Variants in GPD2 observed in about 807,000 individuals in gnomAD.
GPD2 encodes glycerol-3-phosphate dehydrogenase, mitochondrial.
A neutral mutation model predicts 82.4 loss-of-function variants in GPD2; 54 were observed. That is an observed-to-expected ratio of 0.66 (90% CI 0.53 to 0.82). The LOEUF is 0.82. Among genes scored for constraint, GPD2 ranks in the 40% least tolerant of loss-of-function variants. The pLI is 0.00. For synonymous variants in GPD2, 288 were observed against 306.1 expected (o/e 0.94, Z 0.62); for missense variants, 748 against 896.2 (o/e 0.83, Z 2.11).
At chr2:156,575,141 A>T (rs1203757681) in intron 13 of GPD2, among the ~76,000 whole-genome samples, 1 of 152,178 alleles carries the variant, frequency 6.6e-6, no homozygotes, top group African/African-American at 2.4e-5. Context: ...GTTGAACTTT[A>T]AAATACTGTA....
the GPD2 span, among the ~76,000 whole-genome samples, chr2:156,403,703 A>G: frequency 1.3e-5 from 2 of 152,012 alleles, no homozygotes; most frequent in African/African-American, 2.4e-5. Flanking sequence ...CTTCTGTTCT[A>G]TAGATAATCA....
At chr2:156,504,160 T>C (rs1304688159) in intron 3 of GPD2, among the ~76,000 whole-genome samples, 1 of 152,164 alleles carries the variant, frequency 6.6e-6, no homozygotes, top group Non-Finnish European at 1.5e-5. Flanking sequence ...TTATATAAAA[T>C]GCTAATATTC....
At chr2:156,451,301 C>CG (rs1416223534) in intron 1 of GPD2, among the ~76,000 whole-genome samples, 8 of 150,908 alleles carry the variant, frequency 5.3e-5, no homozygotes, top group Non-Finnish European at 1.5e-5. Context: ...GGCTGACCCC[C>CG]CCACCTCCTT....
intron 6 of GPD2, among the ~76,000 whole-genome samples, chr2:156,539,081 A>C (rs965079957): frequency 2.0e-5 from 3 of 152,228 alleles, no homozygotes; most frequent in Non-Finnish European, 4.4e-5. Context: ...TATTCTGATA[A>C]CTGAGGAATG....
At chr2:156,456,613 G>T (rs578078719) in intron 1 of GPD2, among the ~76,000 whole-genome samples, 5 of 151,986 alleles carry the variant, frequency 3.3e-5, no homozygotes, top group Admixed American at 6.6e-5. Context: ...AAAAAAGTTG[G>T]TCTTCTTGAT....
rs1287429323 is a variant in GPD2, at chr2:156,585,444, T to C, written c.*2526T>C. 6.6e-6 allele frequency: 1 copy of C among 152,400 alleles called. No homozygotes were observed. Among genetic ancestry groups the C allele is most frequent in the South Asian group, 2.1e-4 (1 of 4,830 alleles). The allele number at this position is 152,400 out of a possible 1,614,324, so 9.4% of individuals were successfully genotyped here. The stretch of plus-strand genomic sequence containing the variant: ...TGTGCTGGAGAGTTGGATACTCCTT[T>C]AAATAGCCCCCACCACAGTCATAAC... On this transcript the variant is annotated 3_prime_UTR_variant, in exon 17 of 17. Transcript: ENST00000438166.
the GPD2 span, among the ~76,000 whole-genome samples, chr2:156,420,568 A>G: frequency 6.6e-6 from 1 of 152,236 alleles, no homozygotes; most frequent in Non-Finnish European, 1.5e-5. Context: ...TTTCAGCTGC[A>G]TAATTTTACA....
intron 2 of GPD2, among the ~76,000 whole-genome samples, chr2:156,492,490 A>C (rs77118093): frequency 6.6e-6 from 1 of 150,414 alleles, no homozygotes; most frequent in South Asian, 2.1e-4. Context: ...ATTGTAAAAG[A>C]CCATGAAGAT....
intron 9 of GPD2, among the ~76,000 whole-genome samples, chr2:156,565,314 C>G (rs1478986298): frequency 1.3e-5 from 2 of 152,044 alleles, no homozygotes; most frequent in African/African-American, 4.8e-5. Flanking sequence ...GATGTGAACT[C>G]TAATGGAAAA....
intron 2 of GPD2, among the ~76,000 whole-genome samples, chr2:156,485,895 A>T (rs1166106570): frequency 6.6e-6 from 1 of 152,224 alleles, no homozygotes; most frequent in African/African-American, 2.4e-5. Context: ...ATTTCTTTTG[A>T]TGAGAATTTT....
At chr2:156,465,361 C>CTTTTTTTTTTT (rs67390264) in intron 1 of GPD2, among the ~76,000 whole-genome samples, 1 of 114,900 alleles carries the variant, frequency 8.7e-6, no homozygotes, top group Non-Finnish European at 1.7e-5. Flanking sequence ...TTCTTTCTTT[C>CTTTTTTTTTTT]TTTTTTTTTT....
Position 156,584,929 on chromosome 2 carries a change from A to C in GPD2, c.*2011A>C, listed in dbSNP as rs1688161389. On this transcript the variant is annotated 3_prime_UTR_variant, in exon 17 of 17. Transcript: ENST00000438166. ...ATAACGATGACTTGTACCCTCCCTG[A>C]TTCTGTTACAGTAGGGCCCGGGCAG... 2.0e-5 allele frequency: 3 copies of C among 151,754 alleles called. No homozygotes were observed. In the South Asian group the frequency reaches 6.2e-4, roughly 32 times the overall value. The allele number at this position is 151,754 out of a possible 1,614,324, so 9.4% of individuals were successfully genotyped here. A position where few individuals can be genotyped will look rare whatever the true frequency, so the allele number is the denominator to read the frequency against.
intron 6 of GPD2, among the ~76,000 whole-genome samples, chr2:156,548,356 C>T (rs746912409): frequency 1.3e-5 from 2 of 152,128 alleles, no homozygotes; most frequent in Non-Finnish European, 2.9e-5. Flanking sequence ...TTTTCTTCTA[C>T]TTTCATTCTA....
chr2:156,566,854 C>T (rs1279469910), intron 9 of GPD2, among the ~76,000 whole-genome samples: 1 of 152,052 alleles, frequency 6.6e-6, no homozygotes, highest in Non-Finnish European at 1.5e-5. Context: ...TCCACATCTT[C>T]ACCAGTATTT....
chr2:156,493,502 A>G (rs1398333205), intron 2 of GPD2, among the ~76,000 whole-genome samples: 1 of 152,102 alleles, frequency 6.6e-6, no homozygotes, highest in African/African-American at 2.4e-5. Context: ...GAGGGAGTGA[A>G]TATAGGAGAA....
chr2:156,539,263 G>A (rs555451837), intron 6 of GPD2, among the ~76,000 whole-genome samples: 2 of 152,308 alleles, frequency 1.3e-5, no homozygotes, highest in East Asian at 3.9e-4. Flanking sequence ...TAGGGGATTG[G>A]TAGAGAGGCT....
intron 1 of GPD2, among the ~76,000 whole-genome samples, chr2:156,450,687 C>CTTTTT (rs1382838048): frequency 3.3e-5 from 3 of 91,012 alleles, no homozygotes; most frequent in Non-Finnish European, 4.3e-5. Context: ...TTTTTTATTG[C>CTTTTT]TCATTCTTGG....
At chr2:156,562,330 G>C (rs1473923270) in intron 9 of GPD2, among the ~76,000 whole-genome samples, 1 of 152,156 alleles carries the variant, frequency 6.6e-6, no homozygotes, top group Non-Finnish European at 1.5e-5. Context: ...GATTGTACCA[G>C]GGTTATCAAC....
the GPD2 span, among the ~76,000 whole-genome samples, chr2:156,426,431 G>C: frequency 2.0e-5 from 3 of 152,188 alleles, no homozygotes; most frequent in African/African-American, 7.2e-5. Context: ...ACTGTGGTGA[G>C]AACAGCATGG....
Sources: gnomAD v4.1 joint callset for allele counts (sites outside exome capture counted in the v4.1 genomes callset) on GRCh38, gnomAD v4.1.1 for gene constraint, MANE v1.5 for transcripts, NCBI Gene and HGNC (gene_info 2026-07-23, HGNC 2026-07-21) for gene names.